FSTL4: variants seen among roughly 807,000 people sequenced by gnomAD.
FSTL4 encodes follistatin-related protein 4.
In FSTL4, 28 loss-of-function variants were observed where a neutral mutation model predicts 78.2. The observed-to-expected ratio is 0.36, with a 90% CI of 0.27 to 0.49. FSTL4 has a LOEUF of 0.49. FSTL4 is among the 20% of genes least tolerant of loss of function. FSTL4 has a pLI of 0.98. For missense variants in FSTL4, 922 were observed against 1,084.9 expected (o/e 0.85, Z 2.11); for synonymous variants, 422 against 440.5 (o/e 0.96, Z 0.53).
intron 3 of FSTL4, among the ~76,000 whole-genome samples, chr5:133,511,083 C>T (rs554626401): frequency 1.4e-4 from 22 of 152,334 alleles, no homozygotes; most frequent in African/African-American, 5.3e-4. Context: ...GATGTATCCC[C>T]TCTGAGTTCC....
chr5:133,452,714 A>G (rs1408071325), intron 3 of FSTL4, among the ~76,000 whole-genome samples: 4 of 152,258 alleles, frequency 2.6e-5, no homozygotes, highest in African/African-American at 4.8e-5. Flanking sequence ...CAGGATTTGA[A>G]TCCAGGAAAG....
intron 3 of FSTL4, among the ~76,000 whole-genome samples, chr5:133,406,476 C>T (rs1756365442): frequency 6.6e-6 from 1 of 152,194 alleles, no homozygotes; most frequent in African/African-American, 2.4e-5. Flanking sequence ...TCTCGGCACC[C>T]CTCAGGGCTG....
intron 3 of FSTL4, among the ~76,000 whole-genome samples, chr5:133,466,448 A>G (rs1288093829): frequency 1.3e-5 from 2 of 152,104 alleles, no homozygotes; most frequent in Admixed American, 6.5e-5. Flanking sequence ...AGGCTGAGGC[A>G]GGAGAATGGC....
intron 3 of FSTL4, among the ~76,000 whole-genome samples, chr5:133,471,931 G>A (rs1757834471): frequency 6.6e-6 from 1 of 152,182 alleles, no homozygotes. Flanking sequence ...CAGGGTGTGA[G>A]TAGAATGATA....
At chr5:133,628,856 T>G in the FSTL4 span, among the ~76,000 whole-genome samples, 2 of 151,376 alleles carry the variant, frequency 1.3e-5, no homozygotes, top group African/African-American at 4.9e-5. Flanking sequence ...TGAAGTTGCT[T>G]ATCAGCTTAA....
intron 3 of FSTL4, among the ~76,000 whole-genome samples, chr5:133,534,736 C>A (rs564349435): frequency 1.8e-4 from 27 of 152,180 alleles, no homozygotes; most frequent in African/African-American, 5.5e-4. Context: ...CTTCTTTTCT[C>A]CCCCAGTTCC....
intron 6 of FSTL4, among the ~76,000 whole-genome samples, chr5:133,293,171 C>T (rs1424638871): frequency 2.0e-5 from 3 of 152,248 alleles, no homozygotes; most frequent in African/African-American, 7.2e-5. Context: ...CATCTTGGCC[C>T]TGTGGCGAAC....
intron 4 of FSTL4, among the ~76,000 whole-genome samples, chr5:133,353,773 A>G (rs1338986814): frequency 6.6e-6 from 1 of 152,234 alleles, no homozygotes; most frequent in African/African-American, 2.4e-5. Flanking sequence ...AGAAGCAGGA[A>G]GGAGGCATGC....
chr5:133,246,902 C>G (rs1191521609), intron 7 of FSTL4: 1 of 152,164 alleles, frequency 6.6e-6, no homozygotes, highest in South Asian at 2.1e-4. Context: ...TTACTGGAAC[C>G]CTATGAGGCT....
the FSTL4 span, among the ~76,000 whole-genome samples, chr5:133,670,206 A>C: frequency 6.6e-6 from 1 of 152,230 alleles, no homozygotes; most frequent in Non-Finnish European, 1.5e-5. Flanking sequence ...AAATACATAG[A>C]AACTCCACAG....
rs529826421 is a variant in FSTL4 at position 133,531,145 on chromosome 5, T to C, written c.160+36041A>G. Among the ~76,000 whole-genome samples, 5 of 152,332 alleles carry C rather than the reference T, an allele frequency of 3.3e-5. No homozygotes were observed. The East Asian group carries it at 9.7e-4, about 29-fold the overall frequency. Reference sequence around the variant, plus strand: ...TCCTTGTGTCTCACTGGCTGATCATTGATGGGATGCTCTCTTCACACGGTT... The same window carrying C: ...TCCTTGTGTCTCACTGGCTGATCATCGATGGGATGCTCTCTTCACACGGTT... On this transcript the variant is annotated intron_variant, in intron 3 of 15. Coordinates refer to ENST00000265342, the MANE Select transcript of FSTL4 (RefSeq NM_015082.2).
At chr5:133,658,386 G>A in the FSTL4 span, among the ~76,000 whole-genome samples, 3 of 152,070 alleles carry the variant, frequency 2.0e-5, no homozygotes, top group African/African-American at 7.2e-5. Flanking sequence ...GAACATAGCT[G>A]TAAAACTATA....
intron 6 of FSTL4, among the ~76,000 whole-genome samples, chr5:133,281,732 A>C (rs1753013743): frequency 6.6e-6 from 1 of 152,180 alleles, no homozygotes; most frequent in African/African-American, 2.4e-5. Context: ...CCTGTTCTGG[A>C]CTAGGGCAGT....
chr5:133,643,711 C>A, the FSTL4 span, among the ~76,000 whole-genome samples: 1 of 152,170 alleles, frequency 6.6e-6, no homozygotes, highest in Admixed American at 6.5e-5. Context: ...ACAGATGGTG[C>A]CCCGATGATG....
chr5:133,630,132 G>A, the FSTL4 span, among the ~76,000 whole-genome samples: 19 of 152,242 alleles, frequency 1.2e-4, no homozygotes, highest in Admixed American at 3.3e-4. Context: ...ACATAGTATC[G>A]GAAGTTCTGG....
the FSTL4 span, among the ~76,000 whole-genome samples, chr5:133,705,323 T>G: frequency 4.6e-5 from 7 of 152,182 alleles, no homozygotes. Context: ...CCTCCCAAAG[T>G]GCTAGGATTA....
At chr5:133,572,503 A>G (rs1388413720) in intron 2 of FSTL4, among the ~76,000 whole-genome samples, 2 of 152,208 alleles carry the variant, frequency 1.3e-5, no homozygotes, top group African/African-American at 4.8e-5. Context: ...GAGAGAATAC[A>G]TTGCCAACAA....
rs1405991950 is a variant in FSTL4, at chr5:133,199,256, C to T, written c.2368G>A (p.Gly790Ser). The change falls in exon 16 of 16, where the codon GGT becomes AGT. Residue 790 changes from glycine to serine, a missense_variant. Physicochemically the swap from Gly to Ser is moderately conservative, Grantham distance 56 (BLOSUM62 0). Coordinates refer to ENST00000265342, the MANE Select transcript of FSTL4 (RefSeq NM_015082.2). The surrounding 1 kb of genome is among the most constrained non-coding windows in gnomAD (Gnocchi z 4.4). ...PPAGPAQPWG[G>S]THRIMRDSGL... Reference sequence around the variant, plus strand: ...CTGTCCCTCATGATTCTGTGGGTACCCCCCCAGGGCTGAGCTGGCCCTGCG... The same window carrying T: ...CTGTCCCTCATGATTCTGTGGGTACTCCCCCAGGGCTGAGCTGGCCCTGCG... 6.2e-7 allele frequency: 1 copy of T among 1,613,506 alleles called. No homozygotes were observed.
rs538371570 is a variant in FSTL4, at chr5:133,382,432, G to C, written c.409+18306C>G. On this transcript the variant is annotated intron_variant, in intron 4 of 15. Transcript: ENST00000265342. Reference sequence around the variant, plus strand: ...TTCCACCTACTTGTGATGATTGTTAGTTCTCATCATTCCCTCCTCCTCCTC... The same window carrying C: ...TTCCACCTACTTGTGATGATTGTTACTTCTCATCATTCCCTCCTCCTCCTC... 2.6e-5 allele frequency among the ~76,000 whole-genome samples: 4 copies of C among 152,296 alleles called. No homozygotes were observed. In the East Asian group the frequency reaches 5.8e-4, roughly 22 times the overall value.
Sources: gnomAD v4.1 joint callset for allele counts (sites outside exome capture counted in the v4.1 genomes callset) on GRCh38, gnomAD v4.1.1 for gene constraint, Gnocchi (gnomAD v3.1) non-coding constraint, MANE v1.5 for transcripts, NCBI Gene and HGNC (gene_info 2026-07-23, HGNC 2026-07-21) for gene names.